DSCAM: variants seen among roughly 807,000 people sequenced by gnomAD.
DSCAM encodes DS cell adhesion molecule, also known as cell adhesion molecule DSCAM.
Under a neutral mutation model 217.7 loss-of-function variants are expected in DSCAM, and 47 were observed. That is an observed-to-expected ratio of 0.22 (90% CI 0.17 to 0.28). The LOEUF is 0.28. Among genes scored for constraint, DSCAM ranks in the 10% least tolerant of loss-of-function variants. The pLI, the probability that DSCAM is intolerant of heterozygous loss-of-function variation, is 1.00. For missense variants in DSCAM, 2,080 were observed against 2,618.3 expected, an observed-to-expected ratio of 0.79 and a Z score of 4.49; for synonymous variants, 1,056 against 1,015.3, an observed-to-expected ratio of 1.04 and a Z score of -0.76.
At chr21:40,149,213 C>A (rs1048436643) in intron 16 of DSCAM, among the ~76,000 whole-genome samples, 5 of 152,034 alleles carry the variant, frequency 3.3e-5, no homozygotes, top group Non-Finnish European at 5.9e-5. Context: ...AACCATCCAT[C>A]ATTCCATCAC....
intron 9 of DSCAM, among the ~76,000 whole-genome samples, chr21:40,305,092 C>T (rs755385803): frequency 2.0e-5 from 3 of 151,996 alleles, no homozygotes; most frequent in Non-Finnish European, 4.4e-5. Context: ...CTGGGAAGCA[C>T]AATAAAGCAA....
chr21:40,671,608 GA>G (rs1210201499), intron 3 of DSCAM, among the ~76,000 whole-genome samples: 1 of 147,376 alleles, frequency 6.8e-6, no homozygotes, highest in Non-Finnish European at 1.5e-5. Flanking sequence ...AGAATTGCAT[GA>G]AACTGGGAGG....
intron 3 of DSCAM, among the ~76,000 whole-genome samples, chr21:40,563,943 C>T (rs973757538): frequency 5.9e-5 from 9 of 152,094 alleles, no homozygotes; most frequent in African/African-American, 2.2e-4. Flanking sequence ...TGAAAAAGCA[C>T]ATTTCAGGGG....
intron 20 of DSCAM, among the ~76,000 whole-genome samples, chr21:40,116,064 T>C (rs1031980431): frequency 6.6e-6 from 1 of 152,016 alleles, no homozygotes; most frequent in African/African-American, 2.4e-5. Context: ...GAAAAACAAA[T>C]ACCACATGTT....
intron 3 of DSCAM, among the ~76,000 whole-genome samples, chr21:40,418,133 A>C (rs2075389528): frequency 2.0e-5 from 3 of 152,314 alleles, no homozygotes; most frequent in African/African-American, 7.2e-5. Context: ...CCAGAGTATC[A>C]GTTGTGTTCG....
intron 1 of DSCAM, among the ~76,000 whole-genome samples, chr21:40,818,179 T>C (rs1449416794): frequency 6.9e-6 from 1 of 145,662 alleles, no homozygotes; most frequent in Non-Finnish European, 1.5e-5. Context: ...TAAAGGGACA[T>C]CCGCCTGTCC....
rs367604666 is a variant in DSCAM at position 40,464,731 on chromosome 21, C to T, written c.509-95486G>A. ...TCCTGTTCCGTCACTAATTCATTCT[C>T]CCCAGAACCATCTTTTTTTTTTTTT... On this transcript the variant is annotated intron_variant, in intron 3 of 32. Transcript: ENST00000400454. 2.9e-4 allele frequency among the ~76,000 whole-genome samples: 44 copies of T among 151,690 alleles called. No individual in the cohort carries two copies. In the South Asian group the frequency reaches 9.2e-3, roughly 32 times the overall value.
chr21:40,203,644 A>G lies in DSCAM; in HGVS notation c.2357-14406T>C, dbSNP rs374130871. ...CATCTATCAAATGGGTGCAAGGGTGATGCCCACCTCAATAGAGAGAAGCAA... is the reference window on the plus strand; with the variant it reads ...CATCTATCAAATGGGTGCAAGGGTGGTGCCCACCTCAATAGAGAGAAGCAA... On this transcript the variant is annotated intron_variant, in intron 11 of 32. Coordinates refer to ENST00000400454, the MANE Select transcript of DSCAM (RefSeq NM_001389.5). Among the ~76,000 whole-genome samples, 31 of 152,388 alleles carry G rather than the reference A, an allele frequency of 2.0e-4. No individual in the cohort carries two copies. The South Asian group carries it at 6.4e-3, about 32-fold the overall frequency.
chr21:40,376,510 CGATATCTATATATCTTATATA>C (rs1569092813), intron 3 of DSCAM, among the ~76,000 whole-genome samples: 6 of 73,116 alleles, frequency 8.2e-5, no homozygotes, highest in East Asian at 4.3e-4. Context: ...TATCTTATAT[CGATATCTATATATCTTATATA>C]GATATCGATA....
At chr21:40,276,351 T>G in intron 10 of DSCAM, 81 bp from the exon 11 acceptor site, 1 of 1,322,340 alleles carries the variant, frequency 7.6e-7, no homozygotes, top group Non-Finnish European at 1.0e-6. Flanking sequence ...ACACACAGAC[T>G]CATAAAGAGA....
chr21:40,498,630 GTATATA>G, intron 3 of DSCAM, among the ~76,000 whole-genome samples: 1 of 99,708 alleles, frequency 1.0e-5, no homozygotes, highest in African/African-American at 3.5e-5. Flanking sequence ...TATGCACTAT[GTATATA>G]TATATATATA....
intron 16 of DSCAM, among the ~76,000 whole-genome samples, chr21:40,149,757 C>T (rs953314614): frequency 2.0e-5 from 3 of 149,072 alleles, no homozygotes; most frequent in South Asian, 2.2e-4. Flanking sequence ...ACATCCATCG[C>T]TCCATCACTA....
intron 32 of DSCAM, among the ~76,000 whole-genome samples, chr21:40,042,120 C>A (rs2088762336): frequency 6.6e-6 from 1 of 152,172 alleles, no homozygotes; most frequent in African/African-American, 2.4e-5. Context: ...GGAAGTGGAT[C>A]CCCAGCCCCA....
chr21:40,644,748 T>A (rs1288505748), intron 3 of DSCAM, among the ~76,000 whole-genome samples: 1 of 152,250 alleles, frequency 6.6e-6, no homozygotes, highest in African/African-American at 2.4e-5. Flanking sequence ...TGGACTTTTG[T>A]TACTTCGTTC....
intron 32 of DSCAM, among the ~76,000 whole-genome samples, chr21:40,015,686 C>T (rs1042160689): frequency 6.6e-6 from 1 of 152,194 alleles, no homozygotes; most frequent in African/African-American, 2.4e-5. Flanking sequence ...ATGCTCCTGC[C>T]TCAGCTTCTC....
chr21:40,690,480 G>C (rs563499763), intron 3 of DSCAM, among the ~76,000 whole-genome samples: 2 of 152,136 alleles, frequency 1.3e-5, no homozygotes, highest in African/African-American at 4.8e-5. Flanking sequence ...ATAAACACCT[G>C]TGTTGTATTT....
At chr21:40,650,904 A>G (rs892109323) in intron 3 of DSCAM, among the ~76,000 whole-genome samples, 1 of 152,028 alleles carries the variant, frequency 6.6e-6, no homozygotes, top group Non-Finnish European at 1.5e-5. Context: ...ACAGAGCAAG[A>G]CTCCATCATA....
intron 3 of DSCAM, among the ~76,000 whole-genome samples, chr21:40,573,971 T>C (rs899069093): frequency 6.6e-6 from 1 of 151,428 alleles, no homozygotes; most frequent in African/African-American, 2.4e-5. Context: ...GTTACAGAAA[T>C]GGAATTTGTA....
intron 8 of DSCAM, among the ~76,000 whole-genome samples, chr21:40,315,280 T>C (rs2074183484): frequency 6.6e-6 from 1 of 151,660 alleles, no homozygotes; most frequent in Non-Finnish European, 1.5e-5. Context: ...GGCGTGCACC[T>C]ATAGTCCCAG....
Sources: gnomAD v4.1 joint callset for allele counts (sites outside exome capture counted in the v4.1 genomes callset) on GRCh38, gnomAD v4.1.1 for gene constraint, MANE v1.5 for transcripts, NCBI Gene and HGNC (gene_info 2026-07-23, HGNC 2026-07-21) for gene names.